NFIB: variants seen among roughly 807,000 people sequenced by gnomAD.
NFIB encodes the protein nuclear factor 1 B-type.
In NFIB, 11 loss-of-function variants were observed where a neutral mutation model predicts 61.5. The ratio of observed to expected loss-of-function variants is 0.18; its 90% CI spans 0.11 to 0.30. The LOEUF is 0.30. Ranked by LOEUF, NFIB falls within the 10% of genes least tolerant of loss-of-function variation. The probability of loss-of-function intolerance (pLI) is 1.00; values close to 1 mark genes in which losing one functional copy is unlikely to be tolerated. For synonymous variants in NFIB, 260 were observed against 216.5 expected, an observed-to-expected ratio of 1.20 and a Z score of -1.76; for missense variants, 471 against 608.9, an observed-to-expected ratio of 0.77 and a Z score of 2.38.
At chr9:14,526,006 C>T in the NFIB span, among the ~76,000 whole-genome samples, 5 of 152,134 alleles carry the variant, frequency 3.3e-5, no homozygotes, top group African/African-American at 9.7e-5. Context: ...TTCATCCTCA[C>T]GACAGGTTGG....
intron 6 of NFIB, among the ~76,000 whole-genome samples, chr9:14,140,542 A>G (rs2041569165): frequency 1.3e-5 from 2 of 152,250 alleles, no homozygotes; most frequent in African/African-American, 4.8e-5. Context: ...TTTATGAATG[A>G]AAATAGTTGA....
rs149816150 is a variant in NFIB, at chr9:14,284,990, G to C, written c.562+21999C>G. 3.1e-3 allele frequency among the ~76,000 whole-genome samples: 472 copies of C among 152,278 alleles called. 3 individuals carry two copies. The highest frequency in any genetic ancestry group is 9.9e-3 in the African/African-American group (410 of 41,544). ...AGGTCTCCTACATAAGCAGCATAGA[G>C]CAAGAGAAAACAAAAAATGAGAAAG... On this transcript the variant is annotated intron_variant, in intron 2 of 10. Coordinates refer to ENST00000380953, the MANE Select transcript of NFIB (RefSeq NM_001190737.2).
intron 8 of NFIB, among the ~76,000 whole-genome samples, chr9:14,117,849 T>A (rs1413118280): frequency 1.3e-5 from 2 of 152,140 alleles, no homozygotes; most frequent in Non-Finnish European, 2.9e-5. Context: ...GGTGCAGCAG[T>A]AATGCAATTA....
intron 2 of NFIB, among the ~76,000 whole-genome samples, chr9:14,234,650 C>G (rs2053556676): frequency 7.0e-6 from 1 of 142,020 alleles, no homozygotes; most frequent in Admixed American, 7.4e-5. Flanking sequence ...GTGTGAGCCA[C>G]TGCACTTGGT....
intron 1 of NFIB, among the ~76,000 whole-genome samples, chr9:14,323,790 T>C (rs1258661265): frequency 6.6e-6 from 1 of 152,076 alleles, no homozygotes; most frequent in Non-Finnish European, 1.5e-5. Context: ...ACGCAGTATT[T>C]TTTTTTAAAA....
At chr9:14,409,364 G>A in the NFIB span, among the ~76,000 whole-genome samples, 3 of 152,170 alleles carry the variant, frequency 2.0e-5, no homozygotes, top group African/African-American at 7.2e-5. Context: ...CACAGAGCTG[G>A]TGCTCCCTGT....
At chr9:14,364,400 A>G (rs1941084079) in intron 1 of NFIB, among the ~76,000 whole-genome samples, 2 of 152,194 alleles carry the variant, frequency 1.3e-5, no homozygotes, top group South Asian at 4.1e-4. Flanking sequence ...ACAGACATCT[A>G]GTTAATGCGA....
At chr9:14,484,793 T>C in the NFIB span, among the ~76,000 whole-genome samples, 2,460 of 152,334 alleles carry the variant, frequency 0.016, 74 homozygotes, top group African/African-American at 0.057. Flanking sequence ...TTGGGGAGCC[T>C]GTATCTGTAT....
At chr9:14,487,840 A>G in the NFIB span, among the ~76,000 whole-genome samples, 11 of 152,104 alleles carry the variant, frequency 7.2e-5, no homozygotes, top group Non-Finnish European at 1.5e-4. Context: ...ATGTCAGTAC[A>G]TGCTCCAGAC....
At chr9:14,173,296 A>G in intron 3 of NFIB, among the ~76,000 whole-genome samples, 1 of 152,152 alleles carries the variant, frequency 6.6e-6, no homozygotes. Flanking sequence ...TTTTAATTCC[A>G]AAGTTCATGC....
chr9:14,333,490 GC>G (rs1287491727), intron 1 of NFIB, among the ~76,000 whole-genome samples: 1 of 151,740 alleles, frequency 6.6e-6, no homozygotes, highest in Non-Finnish European at 1.5e-5. Flanking sequence ...CTCATTCTAG[GC>G]CCCACAACTC....
At chr9:14,225,788 A>G (rs1353536179) in intron 2 of NFIB, among the ~76,000 whole-genome samples, 1 of 152,222 alleles carries the variant, frequency 6.6e-6, no homozygotes, top group Non-Finnish European at 1.5e-5. Flanking sequence ...AAAAAAATCC[A>G]GAAATACAGA....
chr9:14,216,351 T>A (rs1286770397), intron 2 of NFIB, among the ~76,000 whole-genome samples: 1 of 152,190 alleles, frequency 6.6e-6, no homozygotes, highest in Non-Finnish European at 1.5e-5. Flanking sequence ...TCAAGTCACT[T>A]TACTGGCCAC....
intron 6 of NFIB, among the ~76,000 whole-genome samples, chr9:14,138,519 T>C (rs936424287): frequency 6.6e-6 from 1 of 152,128 alleles, no homozygotes; most frequent in Non-Finnish European, 1.5e-5. Flanking sequence ...TAATGTTATA[T>C]TTGTTAAATT....
intron 2 of NFIB, among the ~76,000 whole-genome samples, chr9:14,246,803 T>C (rs944923174): frequency 1.1e-4 from 17 of 152,188 alleles, no homozygotes; most frequent in African/African-American, 4.1e-4. Flanking sequence ...TTGACTGAAC[T>C]GTGTCCCTGA....
At chr9:14,527,089 A>G in the NFIB span, among the ~76,000 whole-genome samples, 3 of 152,198 alleles carry the variant, frequency 2.0e-5, no homozygotes, top group African/African-American at 7.2e-5. Context: ...GAAGAAGATT[A>G]ATGTATTTTA....
chr9:14,227,129 A>G (rs1214589590), intron 2 of NFIB, among the ~76,000 whole-genome samples: 3 of 150,568 alleles, frequency 2.0e-5, no homozygotes, highest in Non-Finnish European at 4.4e-5. Context: ...CAACGAGAGC[A>G]AAACTCCGTG....
At chr9:14,201,927 A>C (rs1486151037) in intron 2 of NFIB, among the ~76,000 whole-genome samples, 1 of 152,140 alleles carries the variant, frequency 6.6e-6, no homozygotes, top group Non-Finnish European at 1.5e-5. Flanking sequence ...GAACACCTAC[A>C]GTGGTCCATG....
the NFIB span, among the ~76,000 whole-genome samples, chr9:14,411,405 G>A: frequency 6.6e-6 from 1 of 152,094 alleles, no homozygotes; most frequent in Non-Finnish European, 1.5e-5. Context: ...CTCATGCAGG[G>A]GGGTGTGGCT....
Sources: allele counts gnomAD v4.1 joint callset (sites outside exome capture counted in the v4.1 genomes callset), GRCh38; gene constraint gnomAD v4.1.1; transcripts MANE v1.5; gene names NCBI Gene and HGNC (gene_info 2026-07-23, HGNC 2026-07-21).